The following ALDH4A1 variants were observed in gnomAD, a reference collection of about 807,000 sequenced individuals.
ALDH4A1 encodes the protein delta-1-pyrroline-5-carboxylate dehydrogenase, mitochondrial.
ALDH4A1 carries 46 observed loss-of-function variants against 70.5 expected under a neutral mutation model. That is an observed-to-expected ratio of 0.65 (90% confidence interval 0.51 to 0.83). ALDH4A1 has a LOEUF of 0.83. Among genes scored for constraint, ALDH4A1 ranks in the 40% least tolerant of loss-of-function variants. The pLI is 0.00. For missense variants in ALDH4A1, 749 were observed against 766.5 expected (o/e 0.98, Z 0.27); for synonymous variants, 323 against 324.3 (o/e 1.00, Z 0.04).
At chr1:18,876,163 TCTACTCTCTCC>T (rs1318502808) in intron 12 of ALDH4A1, 141 bp downstream of exon 12, 10 of 1,064,454 alleles carry the variant, frequency 9.4e-6, no homozygotes, top group African/African-American at 4.7e-5. Flanking sequence ...AAAACCTGGC[TCTACTCTCTCC>T]CGGTCGGAGG....
Position 18,883,142 on chromosome 1 carries a change from C to T in ALDH4A1, c.660G>A (p.Ala220=), listed in dbSNP as rs372709690. 21 of 1,613,080 alleles carry T rather than the reference C, an allele frequency of 1.3e-5. No individual in the cohort carries two copies. The highest frequency in any genetic ancestry group is 8.0e-5 in the African/African-American group (6 of 74,958). Residue 220 remains alanine, a synonymous_variant, in exon 7 of 15, where the codon GCG becomes GCA. Transcript: ENST00000375341. Reference sequence around the variant, plus strand: ...ATCTCACCATCAGGGCCGGTGCCCCCGCCAGGTTGCCGCCGATTGCAGTGA... The same window carrying T: ...ATCTCACCATCAGGGCCGGTGCCCCTGCCAGGTTGCCGCCGATTGCAGTGA... ...FNFTAIGGNL[A]GAPALMGNVV... is the part of the protein sequence containing the mutation.
chr1:18,892,658 T>TCTACA, intron 1 of ALDH4A1, among the ~76,000 whole-genome samples: 1 of 150,938 alleles, frequency 6.6e-6, no homozygotes, highest in South Asian at 2.1e-4. Flanking sequence ...TAGGACCTTC[T>TCTACA]CTCCACTCCC....
chr1:18,901,755 G>C (rs192242442), intron 1 of ALDH4A1, among the ~76,000 whole-genome samples: 2 of 152,096 alleles, frequency 1.3e-5, no homozygotes, highest in Non-Finnish European at 2.9e-5. Context: ...ATAACCGGGC[G>C]CTGCCTTTGT....
chr1:18,891,488 C>T (rs1442426783), intron 1 of ALDH4A1, among the ~76,000 whole-genome samples: 5 of 152,014 alleles, frequency 3.3e-5, no homozygotes, highest in South Asian at 2.1e-4. Context: ...GTTCACTGGT[C>T]GGCGCAATGA....
intron 5 of ALDH4A1, among the ~76,000 whole-genome samples, chr1:18,884,345 C>T (rs1288984790): frequency 6.6e-6 from 1 of 152,134 alleles, no homozygotes; most frequent in Non-Finnish European, 1.5e-5. Flanking sequence ...GACCGAGGAG[C>T]AGGCAGTGGC....
Position 18,889,260 on chromosome 1 carries a change from GCCTT to G in ALDH4A1, c.249+98_249+101del, listed in dbSNP as rs1419389966. 18 of 1,077,224 alleles carry G rather than the reference GCCTT, an allele frequency of 1.7e-5. No homozygotes were observed. The South Asian group carries it at 2.3e-4, about 14-fold the overall frequency. The allele number at this position is 1,077,224 out of a possible 1,614,324, so 66.7% of individuals were successfully genotyped here. On this transcript the variant is annotated intron_variant, in intron 3 of 14. Transcript: ENST00000375341. ...TGGGGTGGGGAGGGGCACTATAAAG[GCCTT>G]GAAGTCAGAGCCCACACATTATAAG...
chr1:18,878,538 G>A (rs1428351976), intron 9 of ALDH4A1, among the ~76,000 whole-genome samples: 3 of 152,194 alleles, frequency 2.0e-5, no homozygotes, highest in Non-Finnish European at 2.9e-5. Flanking sequence ...TGCTGGTCAC[G>A]TGCTGGCTGC....
rs1382755256 is a variant in ALDH4A1, at chr1:18,877,301, A to G, written c.1138-46T>C. The stretch of plus-strand genomic sequence containing the variant: ...AGAAGAGACGAGTCACTGCAGGCCG[A>G]GACCAAGGGAGACCCCTCCCCGCAC... On this transcript the variant is annotated intron_variant, in intron 10 of 14. Transcript: ENST00000375341. 8 of 1,573,684 alleles carry G rather than the reference A, an allele frequency of 5.1e-6. No homozygotes were observed. In the African/African-American group the frequency reaches 1.1e-4, roughly 21 times the overall value.
chr1:18,881,984 A>T, intron 7 of ALDH4A1, 97 bp from the exon 8 acceptor site: 2 of 1,211,886 alleles, frequency 1.7e-6, no homozygotes, highest in Non-Finnish European at 2.3e-6. Context: ...CCTCACCTGG[A>T]ACCACCAGAC....
Position 18,879,425 on chromosome 1 carries a change from G to A in ALDH4A1, c.867-52C>T, listed in dbSNP as rs1429570585. 2.6e-6 allele frequency: 4 copies of A among 1,527,606 alleles called. No homozygotes were observed. The African/African-American group carries it at 4.1e-5, about 16-fold the overall frequency. 94.6% of individuals were successfully genotyped at this position (1,527,606 alleles called of 1,614,324 possible). On this transcript the variant is annotated intron_variant, in intron 8 of 14. Coordinates refer to ENST00000375341, the MANE Select transcript of ALDH4A1 (RefSeq NM_003748.4). ...TTCAGGGAGCCAGGCCAGAGGAAGGGGGCGGAAAAGCCCAGGGAGGAGCAT... is the reference window on the plus strand; with the variant it reads ...TTCAGGGAGCCAGGCCAGAGGAAGGAGGCGGAAAAGCCCAGGGAGGAGCAT...
chr1:18,902,470 G>A lies in ALDH4A1; in HGVS notation c.54C>T (p.Thr18=), dbSNP rs1156880388. The change falls in exon 1 of 15, where the codon ACC becomes ACT. Residue 18 remains threonine (T), a synonymous_variant. Coordinates refer to ENST00000375341, the MANE Select transcript of ALDH4A1 (RefSeq NM_003748.4). ...LRRALLSRPW[T]GAGLRWKHTS... is the part of the protein sequence containing the mutation. Reference sequence around the variant, plus strand: ...GCCCCGTGCTCACTCACCCGGCCCCGGTCCAGGGGCGGGACAGCAGGGCGC... The same window carrying A: ...GCCCCGTGCTCACTCACCCGGCCCCAGTCCAGGGGCGGGACAGCAGGGCGC... The A allele has an allele frequency of 7.1e-7, 1 of 1,406,288 alleles. No individual in the cohort carries two copies. The allele number at this position is 1,406,288 out of a possible 1,614,324, so 87.1% of individuals were successfully genotyped here. A position where few individuals can be genotyped will look rare whatever the true frequency, so the allele number is the denominator to read the frequency against.
rs1464406779 is a variant in ALDH4A1, at chr1:18,889,464, G to A, written c.157-10C>T. On this transcript the variant is annotated splice_polypyrimidine_tract_variant and intron_variant, in intron 2 of 14. Coordinates refer to ENST00000375341, the MANE Select transcript of ALDH4A1 (RefSeq NM_003748.4). ...TCAGGTCCTTCAAGGCCTGGGGAGA[G>A]GGACAAGAGTGGGTATGGTCACCGC... The A allele has an allele frequency of 6.4e-7, 1 of 1,550,802 alleles. No homozygotes were observed. The highest frequency in any genetic ancestry group is 2.0e-5 in the Admixed American group (1 of 51,012).
Position 18,898,017 on chromosome 1 carries a change from T to G in ALDH4A1, c.62+4445A>C, listed in dbSNP as rs950787970. ...TTTCCATCCCCTGAGGTGAGCAGGG[T>G]CAAAACCCTAACAGAAGGTCGGACG... On this transcript the variant is annotated intron_variant, in intron 1 of 14. Transcript: ENST00000375341. This position sits in a 1 kb window ranked among gnomAD's most constrained non-coding sequence, Gnocchi z 4.3. Among the ~76,000 whole-genome samples the G allele has an allele frequency of 4.0e-5, 6 of 151,782 alleles. No homozygotes were observed. The highest frequency in any genetic ancestry group is 1.3e-4 in the Admixed American group (2 of 15,246).
intron 5 of ALDH4A1, 24 bp downstream of exon 5, chr1:18,885,449 C>CCCCCCCCCCCCCCCCCCCCCCCCCA: frequency 1.5e-6 from 2 of 1,297,352 alleles, no homozygotes; most frequent in Non-Finnish European, 2.1e-6. Flanking sequence ...CCGCCCCACC[C>CCCCCCCCCCCCCCCCCCCCCCCCCA]ACCCGGGCCC....
intron 3 of ALDH4A1, 146 bp downstream of exon 3, chr1:18,889,216 G>C (rs1312739851): frequency 4.2e-6 from 3 of 720,366 alleles, no homozygotes; most frequent in Non-Finnish European, 7.2e-6. Context: ...AGTTTTACTG[G>C]TCCACAGAAT....
Position 18,890,063 on chromosome 1 carries a change from C to T in ALDH4A1, c.105G>A (p.Glu35=), listed in dbSNP as rs370378464. ...TGCCCTGCGTGAAGGCTAAGACGGG[C>T]TCGTTGGCCACCTTCAGGGAGGAGG... ...KHTSSLKVAN[E]PVLAFTQGSP... The change falls in exon 2 of 15, where the codon GAG becomes GAA. Residue 35 remains glutamate, a synonymous_variant. Coordinates refer to ENST00000375341, the MANE Select transcript of ALDH4A1 (RefSeq NM_003748.4). 5.1e-5 allele frequency: 83 copies of T among 1,613,088 alleles called. No homozygotes were observed. Among genetic ancestry groups the T allele is most frequent in the Non-Finnish European group, 6.1e-5 (72 of 1,179,818 alleles).
At chr1:18,874,164 G>T (rs939664974) in intron 14 of ALDH4A1, among the ~76,000 whole-genome samples, 1 of 152,214 alleles carries the variant, frequency 6.6e-6, no homozygotes, top group Non-Finnish European at 1.5e-5. Flanking sequence ...GTGAAGTAGA[G>T]GTTGTTGGAC....
intron 1 of ALDH4A1, among the ~76,000 whole-genome samples, chr1:18,896,818 G>C (rs577316937): frequency 1.3e-5 from 2 of 152,166 alleles, no homozygotes; most frequent in East Asian, 3.9e-4. Context: ...GCTTGTACCC[G>C]GGAAGAAGAG....
At chr1:18,883,533 G>C in intron 5 of ALDH4A1, 105 bp from the exon 6 acceptor site, 1 of 1,501,220 alleles carries the variant, frequency 6.7e-7, no homozygotes, top group Non-Finnish European at 9.0e-7. Context: ...CGGGCCCCAG[G>C]AGGGACCAGG....
Sources: gnomAD v4.1 joint callset for allele counts (sites outside exome capture counted in the v4.1 genomes callset) on GRCh38, gnomAD v4.1.1 for gene constraint, Gnocchi (gnomAD v3.1) non-coding constraint, MANE v1.5 for transcripts, NCBI Gene and HGNC (gene_info 2026-07-23, HGNC 2026-07-21) for gene names.